A2ML1: variants seen among roughly 807,000 people sequenced by gnomAD.
A2ML1 encodes the protein alpha-2-macroglobulin like 1, also known as alpha-2-macroglobulin-like protein 1.
A2ML1 carries 161 observed loss-of-function variants against 181.9 expected under a neutral mutation model. The observed-to-expected ratio is 0.89, with a 90% CI of 0.78 to 1.01. The LOEUF (loss-of-function observed/expected upper bound fraction) is 1.01, where lower values mean the gene tolerates loss of function less well. Ranked by LOEUF, A2ML1 falls within the 50% of genes least tolerant of loss-of-function variation. The pLI, the probability that A2ML1 is intolerant of heterozygous loss-of-function variation, is 0.00. For missense variants in A2ML1, 1,670 were observed against 1,768.1 expected (o/e 0.94, Z 1.00); for synonymous variants, 663 against 666.8 (o/e 0.99, Z 0.09).
At position 8,837,501 on chromosome 12, in the gene A2ML1, A is replaced by G. The variant is rs1169289708; in HGVS notation, c.790A>G (p.Thr264Ala). ...VQVSVCQKAN[T>A]YWYREVEREQ... ...GGTATCTGTGTGTCAGAAGGCAAAT[A>G]CTTACTGGTATCGAGAGGTGGAACG... is the stretch of plus-strand genomic sequence containing the variant. The change falls in exon 8 of 36, where the codon ACT (threonine) becomes GCT (alanine). Residue 264 changes from threonine (T) to alanine (A), a missense_variant. Physicochemically the swap from Thr to Ala is moderately conservative, Grantham distance 58 (BLOSUM62 0). Transcript: ENST00000299698. 5.6e-6 allele frequency: 9 copies of G among 1,614,008 alleles called. No individual in the cohort carries two copies.
At chr12:8,824,222 G>GGTTT (rs1942847563) in intron 3 of A2ML1, among the ~76,000 whole-genome samples, 3 of 92,310 alleles carry the variant, frequency 3.2e-5, no homozygotes, top group African/African-American at 1.3e-4. Flanking sequence ...AGCTACTGGG[G>GGTTT]TTTTTTTTTT....
At chr12:8,875,868 A>G (rs144148914) in intron 35 of A2ML1, 190 bp from the exon 36 acceptor site, 2 of 152,360 alleles carry the variant, frequency 1.3e-5, no homozygotes, top group East Asian at 3.9e-4. Context: ...TCTTTGTTAT[A>G]TGAAAATACT....
chr12:8,830,895 T>A (rs1304956953), intron 4 of A2ML1: 1 of 152,006 alleles, frequency 6.6e-6, no homozygotes, highest in Admixed American at 6.6e-5. Context: ...CTCCTTCCCA[T>A]CACCTATGGC....
At chr12:8,864,113 G>C in intron 29 of A2ML1, 105 bp downstream of exon 29, 1 of 1,007,084 alleles carries the variant, frequency 9.9e-7, no homozygotes, top group Non-Finnish European at 1.5e-6. Context: ...GGGGCTTAGA[G>C]AGAGGAAAAG....
At position 8,849,694 on chromosome 12, in the gene A2ML1, A is replaced by G. The variant is rs200602451; in HGVS notation, c.2054A>G (p.Asn685Ser). 7 of 1,614,096 alleles carry G rather than the reference A, an allele frequency of 4.3e-6. No individual in the cohort carries two copies. The highest frequency in any genetic ancestry group is 2.2e-5 in the East Asian group (1 of 44,890). ...GACGTGGGCCTGAAAATACTGTCCAATGCCAAAATCAAGAAGCCAGTAGAT... is the reference window on the plus strand; with the variant it reads ...GACGTGGGCCTGAAAATACTGTCCAGTGCCAAAATCAAGAAGCCAGTAGAT... ...FRDVGLKILS[N>S]AKIKKPVDCS... Residue 685 changes from asparagine to serine, a missense_variant, in exon 17 of 36, where the codon AAT becomes AGT. Transcript: ENST00000299698.
chr12:8,876,058 GA>G lies in A2ML1; in HGVS notation c.*3del, dbSNP rs1318250482. 6.8e-6 allele frequency: 1 copy of G among 147,856 alleles called. No individual in the cohort carries two copies. Among genetic ancestry groups the G allele is most frequent in the African/African-American group, 2.5e-5 (1 of 39,764 alleles). 9.2% of individuals were successfully genotyped at this position (147,856 alleles called of 1,614,324 possible). The stretch of plus-strand genomic sequence containing the variant: ...TTTTGTTTGATTGTTCGCTTTTCAG[GA>G]TAGGAGCTGGAAACTCAATTAGTCC... On this transcript the variant is annotated splice_region_variant and 3_prime_UTR_variant, in exon 36 of 36. Coordinates refer to ENST00000299698, the MANE Select transcript of A2ML1 (RefSeq NM_144670.6).
intron 16 of A2ML1, among the ~76,000 whole-genome samples, chr12:8,849,240 C>T (rs762820568): frequency 6.6e-6 from 1 of 152,242 alleles, no homozygotes; most frequent in South Asian, 2.1e-4. Context: ...ATTTGGGATG[C>T]TGTGTGACCC....
At chr12:8,883,849 G>A (rs1413734340) in intron 7 of A2ML1, among the ~76,000 whole-genome samples, 2 of 151,042 alleles carry the variant, frequency 1.3e-5, no homozygotes, top group Admixed American at 6.6e-5. Context: ...GCAGTGGCAC[G>A]ATCTTGGCTC....
chr12:8,847,797 A>G (rs773430363), intron 15 of A2ML1, 99 bp downstream of exon 15: 6 of 1,447,740 alleles, frequency 4.1e-6, no homozygotes, highest in Non-Finnish European at 5.6e-6. Flanking sequence ...TTAGGGAAAT[A>G]ATGCACTGCC....
rs116469747 is a variant in A2ML1 at position 8,843,668 on chromosome 12, G to A, written c.1476+307G>A. ...TCAGTATGTATTTTACACTTAAAGC[G>A]TATCTCAGTTTGGACTGAGCACATT... On this transcript the variant is annotated intron_variant, in intron 12 of 35. Coordinates refer to ENST00000299698, the MANE Select transcript of A2ML1 (RefSeq NM_144670.6). Among the ~76,000 whole-genome samples, 1,458 of 150,860 alleles carry A rather than the reference G, an allele frequency of 9.7e-3. 24 individuals carry two copies. Among genetic ancestry groups the A allele is most frequent in the African/African-American group, 0.034 (1,392 of 41,086 alleles).
At chr12:8,869,279 C>T (rs745314734) in intron 33 of A2ML1, 76 bp downstream of exon 33, 45 of 1,447,362 alleles carry the variant, frequency 3.1e-5, no homozygotes, top group Non-Finnish European at 3.8e-5. Context: ...TCTGTATATA[C>T]GGGTGTCACA....
At chr12:8,886,010 TCACACACA>T (rs35294269) in intron 7 of A2ML1, among the ~76,000 whole-genome samples, 41 of 145,004 alleles carry the variant, frequency 2.8e-4, no homozygotes, top group African/African-American at 8.7e-4. Context: ...CAACAATATC[TCACACACA>T]CACACACACA....
At chr12:8,850,560 A>G (rs1943855038) in intron 18 of A2ML1, among the ~76,000 whole-genome samples, 1 of 152,150 alleles carries the variant, frequency 6.6e-6, no homozygotes, top group Admixed American at 6.6e-5. Flanking sequence ...GTGACAGAGC[A>G]AAACCCTTCT....
At position 8,846,133 on chromosome 12, in the gene A2ML1, C is replaced by A; in HGVS notation, c.1594C>A (p.Pro532Thr). Residue 532 changes from proline to threonine, a missense_variant, in exon 14 of 36, where the codon CCT (proline) becomes ACT (threonine). Pro to Thr is a conservative substitution (Grantham distance 38). Coordinates refer to ENST00000299698, the MANE Select transcript of A2ML1 (RefSeq NM_144670.6). The stretch of plus-strand genomic sequence containing the variant: ...CTTCACTTCGAGACTGGCCCCTGAT[C>A]CTTCCCTGGTGATCTATGCCATTTT... ...LTFTSRLAPD[P>T]SLVIYAIFPS... is the part of the protein sequence containing the mutation. The A allele has an allele frequency of 1.2e-6, 2 of 1,614,210 alleles. No individual in the cohort carries two copies. Among genetic ancestry groups the A allele is most frequent in the East Asian group, 2.2e-5 (1 of 44,874 alleles).
At chr12:8,823,965 A>G (rs1213163058) in intron 3 of A2ML1, 83 bp downstream of exon 3, 9 of 1,479,374 alleles carry the variant, frequency 6.1e-6, no homozygotes, top group Non-Finnish European at 8.1e-6. Flanking sequence ...GTGGTTTGAC[A>G]GTAGGCTTTG....
rs1943242978 is a variant in A2ML1, at chr12:8,835,534, T to C, written c.511T>C (p.Trp171Arg). 2 of 1,614,164 alleles carry C rather than the reference T, an allele frequency of 1.2e-6. No homozygotes were observed. The highest frequency in any genetic ancestry group is 1.7e-6 in the Non-Finnish European group (2 of 1,180,008). Reference protein sequence around the residue: ...QDPNSNRIAQWLEVVPEQGIV... With the variant: ...QDPNSNRIAQRLEVVPEQGIV... ...TCCAAATAGCAACAGGATTGCACAG[T>C]GGCTGGAAGTGGTACCTGAGCAAGG... Residue 171 changes from tryptophan (W) to arginine (R), a missense_variant, in exon 6 of 36, where the codon TGG becomes CGG. Trp to Arg is a moderately radical substitution (Grantham distance 101, BLOSUM62 -3). Transcript: ENST00000299698.
rs2136844190 is a variant in A2ML1 at position 8,847,097 on chromosome 12, G to C, written c.1684-452G>C. Among the ~76,000 whole-genome samples, 3 of 127,436 alleles carry C rather than the reference G, an allele frequency of 2.4e-5. No individual in the cohort carries two copies. In the South Asian group the frequency reaches 7.1e-4, roughly 30 times the overall value. 83.6% of individuals were successfully genotyped at this position (127,436 alleles called of 152,430 possible). On this transcript the variant is annotated intron_variant, in intron 14 of 35. Transcript: ENST00000299698. ...TTACAAGTATGCACCACCATGCCTGGCTTTTTTTTTTTTTTTTTTTTTTGT... is the reference window on the plus strand; with the variant it reads ...TTACAAGTATGCACCACCATGCCTGCCTTTTTTTTTTTTTTTTTTTTTTGT...
intron 28 of A2ML1, 128 bp from the exon 29 acceptor site, chr12:8,863,666 A>G: frequency 1.2e-6 from 1 of 861,940 alleles, no homozygotes; most frequent in Non-Finnish European, 1.8e-6. Flanking sequence ...AAATCTAAGA[A>G]ATTTTTTTTC....
At chr12:8,854,053 C>T (rs1385968726) in intron 20 of A2ML1, 75 bp from the exon 21 acceptor site, 5 of 1,445,232 alleles carry the variant, frequency 3.5e-6, no homozygotes, top group African/African-American at 2.9e-5. Flanking sequence ...TTCAGAAATG[C>T]TGATCCAAAT....
Sources: gnomAD v4.1 joint callset for allele counts (sites outside exome capture counted in the v4.1 genomes callset) on GRCh38, gnomAD v4.1.1 for gene constraint, MANE v1.5 for transcripts, NCBI Gene and HGNC (gene_info 2026-07-23, HGNC 2026-07-21) for gene names.